CNTNAP2: variants seen among roughly 807,000 people sequenced by gnomAD.
CNTNAP2 encodes the protein contactin-associated protein-like 2.
CNTNAP2 carries 98 observed loss-of-function variants against 155.2 expected under a neutral mutation model. That is an observed-to-expected ratio of 0.63 (90% CI 0.54 to 0.75). The LOEUF (loss-of-function observed/expected upper bound fraction) is 0.75. Ranked by LOEUF, CNTNAP2 falls within the 30% of genes least tolerant of loss-of-function variation. The pLI is 0.00. For synonymous variants in CNTNAP2, 651 were observed against 631.2 expected, an observed-to-expected ratio of 1.03 and a Z score of -0.47; for missense variants, 1,727 against 1,688.1, an observed-to-expected ratio of 1.02 and a Z score of -0.40.
intron 21 of CNTNAP2, among the ~76,000 whole-genome samples, chr7:148,336,543 T>A (rs199664784): frequency 8.1e-5 from 9 of 111,236 alleles, no homozygotes; most frequent in Non-Finnish European, 1.5e-4. Flanking sequence ...GTTTGGTTGA[T>A]GAAAAAGAAA....
intron 1 of CNTNAP2, among the ~76,000 whole-genome samples, chr7:146,419,230 A>G (rs533517216): frequency 1.8e-4 from 27 of 152,244 alleles, no homozygotes; most frequent in African/African-American, 6.3e-4. Flanking sequence ...GAAACCTCTT[A>G]TAAATCCATC....
intron 3 of CNTNAP2, among the ~76,000 whole-genome samples, chr7:146,844,432 T>A (rs938791172): frequency 2.0e-5 from 3 of 152,148 alleles, no homozygotes; most frequent in Admixed American, 2.0e-4. Flanking sequence ...AAAAAATCAT[T>A]ACATCTACAT....
intron 1 of CNTNAP2, among the ~76,000 whole-genome samples, chr7:146,716,596 A>C (rs1004295838): frequency 2.0e-5 from 3 of 152,216 alleles, no homozygotes; most frequent in Non-Finnish European, 2.9e-5. Context: ...TCATTGACCA[A>C]ATAGGTTAAC....
intron 9 of CNTNAP2, chr7:147,377,954 C>T: frequency 2.2e-6 from 1 of 451,148 alleles, no homozygotes; most frequent in South Asian, 1.6e-5. Context: ...TTTAAATGTT[C>T]TGGAAAATTC....
intron 1 of CNTNAP2, among the ~76,000 whole-genome samples, chr7:146,639,896 C>G (rs1351861762): frequency 6.6e-6 from 1 of 152,242 alleles, no homozygotes; most frequent in Non-Finnish European, 1.5e-5. Flanking sequence ...GGCAGTCTGA[C>G]TGCATGGCCT....
At position 148,038,200 on chromosome 7, in the gene CNTNAP2, A is replaced by G. The variant is rs148773902; in HGVS notation, c.2383+60211A>G. On this transcript the variant is annotated intron_variant, in intron 15 of 23. Transcript: ENST00000361727. ...ATCTAAACTATAGAGCATGGTCTTC[A>G]AGGCAATTCAGTCTGATGCCTCAAC... Among the ~76,000 whole-genome samples, 1,369 of 152,338 alleles carry G rather than the reference A, an allele frequency of 9.0e-3. 23 individuals carry two copies. The highest frequency in any genetic ancestry group is 0.03 in the African/African-American group (1,263 of 41,580).
chr7:147,541,400 C>A (rs1376281996), intron 11 of CNTNAP2, among the ~76,000 whole-genome samples: 3 of 152,194 alleles, frequency 2.0e-5, no homozygotes, highest in Non-Finnish European at 4.4e-5. Context: ...AGGCACAACA[C>A]TTACAAAACA....
chr7:146,296,643 T>C (rs1412027936), intron 1 of CNTNAP2, among the ~76,000 whole-genome samples: 1 of 152,174 alleles, frequency 6.6e-6, no homozygotes, highest in Non-Finnish European at 1.5e-5. Context: ...GGTTGTCCCA[T>C]GTCCCAGTAA....
At chr7:146,465,774 C>T (rs547355134) in intron 1 of CNTNAP2, among the ~76,000 whole-genome samples, 7 of 152,152 alleles carry the variant, frequency 4.6e-5, no homozygotes, top group African/African-American at 1.7e-4. Flanking sequence ...TTTCGTAGTC[C>T]AGAAAATGAG....
At chr7:148,174,678 T>A (rs1438036347) in intron 18 of CNTNAP2, among the ~76,000 whole-genome samples, 1 of 152,182 alleles carries the variant, frequency 6.6e-6, no homozygotes, top group Non-Finnish European at 1.5e-5. Context: ...AAACAAACTG[T>A]GAGAATACAC....
chr7:146,158,885 A>G (rs1798171739), intron 1 of CNTNAP2, among the ~76,000 whole-genome samples: 2 of 152,220 alleles, frequency 1.3e-5, no homozygotes, highest in South Asian at 4.1e-4. Context: ...CAGGAAATAC[A>G]GAGAATGCTA....
intron 21 of CNTNAP2, among the ~76,000 whole-genome samples, chr7:148,279,045 G>C (rs891217244): frequency 5.3e-5 from 8 of 152,196 alleles, no homozygotes; most frequent in African/African-American, 1.4e-4. Flanking sequence ...GACAGATGAA[G>C]TCAGAGGGTT....
intron 17 of CNTNAP2, among the ~76,000 whole-genome samples, chr7:148,149,602 T>C (rs1035660128): frequency 6.6e-6 from 1 of 151,966 alleles, no homozygotes; most frequent in Non-Finnish European, 1.5e-5. Context: ...TGGAGTGCAA[T>C]GGTGTGTTCT....
intron 1 of CNTNAP2, among the ~76,000 whole-genome samples, chr7:146,593,156 TTATTATTATTAA>T (rs1409112220): frequency 2.0e-5 from 3 of 150,914 alleles, no homozygotes; most frequent in Non-Finnish European, 3.0e-5. Context: ...ATGTTTATTA[TTATTATTATTAA>T]TATTATTATT....
intron 14 of CNTNAP2, among the ~76,000 whole-genome samples, chr7:147,924,620 A>G (rs1444031736): frequency 6.6e-6 from 1 of 152,046 alleles, no homozygotes; most frequent in East Asian, 1.9e-4. Context: ...CAGCCATGAT[A>G]CTCCACCTCC....
chr7:147,954,376 T>A (rs377434486), intron 14 of CNTNAP2, among the ~76,000 whole-genome samples: 13 of 152,106 alleles, frequency 8.5e-5, no homozygotes, highest in East Asian at 1.9e-4. Flanking sequence ...AAAGCTAATG[T>A]TTTTATGTGA....
intron 1 of CNTNAP2, among the ~76,000 whole-genome samples, chr7:146,588,383 A>T (rs1284499209): frequency 1.3e-5 from 2 of 152,212 alleles, no homozygotes; most frequent in Non-Finnish European, 2.9e-5. Flanking sequence ...TGAAAACTAA[A>T]TCTTCATGTG....
At chr7:146,776,027 T>C (rs534379029) in intron 2 of CNTNAP2, among the ~76,000 whole-genome samples, 2 of 152,228 alleles carry the variant, frequency 1.3e-5, no homozygotes, top group South Asian at 4.1e-4. Context: ...TGAAGTAATA[T>C]AAATTTTAAT....
intron 21 of CNTNAP2, among the ~76,000 whole-genome samples, chr7:148,276,266 C>G (rs1028337642): frequency 2.0e-5 from 3 of 152,120 alleles, no homozygotes; most frequent in Non-Finnish European, 4.4e-5. Flanking sequence ...ACCTGGGAGA[C>G]AATCCCATAA....
Sources: allele counts gnomAD v4.1 joint callset (sites outside exome capture counted in the v4.1 genomes callset), GRCh38; gene constraint gnomAD v4.1.1; transcripts MANE v1.5; gene names NCBI Gene and HGNC (gene_info 2026-07-23, HGNC 2026-07-21).